NEURL1: variants seen among roughly 807,000 people sequenced by gnomAD.
NEURL1 encodes the protein E3 ubiquitin-protein ligase NEURL1.
Under a neutral mutation model 41.2 loss-of-function variants are expected in NEURL1, and 26 were observed. That is an observed-to-expected ratio of 0.63 (90% CI 0.46 to 0.87). The LOEUF is 0.87. NEURL1 is among the 40% of genes least tolerant of loss of function. NEURL1 has a pLI of 0.00. For missense variants in NEURL1, 761 were observed against 871.1 expected, an observed-to-expected ratio of 0.87 and a Z score of 1.59; for synonymous variants, 400 against 402.3, an observed-to-expected ratio of 0.99 and a Z score of 0.07.
chr10:103,540,634 CA>C (rs2034802054), intron 1 of NEURL1, among the ~76,000 whole-genome samples: 1 of 152,180 alleles, frequency 6.6e-6, no homozygotes, highest in Admixed American at 6.5e-5. Flanking sequence ...GTACCATCAC[CA>C]TCTTCAACTT....
At position 103,584,861 on chromosome 10, in the gene NEURL1, C is replaced by T. The variant is rs1292650802; in HGVS notation, c.975C>T (p.Leu325=). 5.7e-6 allele frequency: 8 copies of T among 1,413,498 alleles called. No individual in the cohort carries two copies. Among genetic ancestry groups the T allele is most frequent in the Non-Finnish European group, 7.3e-6 (8 of 1,093,208 alleles). 87.6% of individuals were successfully genotyped at this position (1,413,498 alleles called of 1,614,324 possible). A position where few individuals can be genotyped will look rare whatever the true frequency, so the allele number is the denominator to read the frequency against. Residue 325 remains leucine (L), a synonymous_variant, in exon 4 of 6, where the codon CTC becomes CTT. Transcript: ENST00000369780. ...RVEHGRDERA[L]VFTSRPVRVA... ...AGCACGGGCGCGACGAGCGCGCGCTCGTCTTCACCAGCCGGCCCGTGCGCG... is the reference window on the plus strand; with the variant it reads ...AGCACGGGCGCGACGAGCGCGCGCTTGTCTTCACCAGCCGGCCCGTGCGCG...
At chr10:103,583,837 T>C (rs1451905379) in intron 3 of NEURL1, among the ~76,000 whole-genome samples, 1 of 139,866 alleles carries the variant, frequency 7.1e-6, no homozygotes, top group East Asian at 2.1e-4. Flanking sequence ...TTATAGGCGA[T>C]TGTTTTTTCT....
chr10:103,507,516 G>C (rs2033974853), intron 1 of NEURL1, among the ~76,000 whole-genome samples: 1 of 152,150 alleles, frequency 6.6e-6, no homozygotes, highest in Non-Finnish European at 1.5e-5. Flanking sequence ...GTGGGTCCAG[G>C]AGAGGGAGCT....
At chr10:103,520,959 A>T (rs2034335766) in intron 1 of NEURL1, among the ~76,000 whole-genome samples, 1 of 152,204 alleles carries the variant, frequency 6.6e-6, no homozygotes, top group Non-Finnish European at 1.5e-5. Flanking sequence ...GAAGGAAAAA[A>T]ACAGGTATTA....
At chr10:103,509,851 A>G (rs534474205) in intron 1 of NEURL1, among the ~76,000 whole-genome samples, 1 of 152,280 alleles carries the variant, frequency 6.6e-6, no homozygotes, top group South Asian at 2.1e-4. Context: ...ATTTGGGAGT[A>G]TGGGTTCCAG....
intron 1 of NEURL1, among the ~76,000 whole-genome samples, chr10:103,553,416 C>T (rs1361308176): frequency 6.6e-6 from 1 of 152,234 alleles, no homozygotes; most frequent in East Asian, 1.9e-4. Context: ...CGTGTGTGTA[C>T]GTGTGACTGC....
At chr10:103,513,222 C>T (rs1259997638) in intron 1 of NEURL1, among the ~76,000 whole-genome samples, 2 of 152,240 alleles carry the variant, frequency 1.3e-5, no homozygotes, top group African/African-American at 4.8e-5. Flanking sequence ...TCCCTTGCCC[C>T]AGTGCTCCAG....
chr10:103,500,287 C>G (rs966213829), intron 1 of NEURL1, among the ~76,000 whole-genome samples: 1 of 152,168 alleles, frequency 6.6e-6, no homozygotes, highest in Admixed American at 6.5e-5. Flanking sequence ...TGGATTATTT[C>G]CATTAATACC....
chr10:103,494,592 C>A, intron 1 of NEURL1, 120 bp downstream of exon 1: 1 of 890,650 alleles, frequency 1.1e-6, no homozygotes, highest in Non-Finnish European at 1.6e-6. Flanking sequence ...CGGAGATGCA[C>A]CTCTGGCCGT....
rs1398349656 is a variant in NEURL1 at position 103,494,945 on chromosome 10, A to T, written c.85+473A>T. Reference sequence around the variant, plus strand: ...GACAGGATTACAGCAGCCTGGAAGAAAGGGTCAGAGCTGCTGGTTCCTGGG... The same window carrying T: ...GACAGGATTACAGCAGCCTGGAAGATAGGGTCAGAGCTGCTGGTTCCTGGG... On this transcript the variant is annotated intron_variant, in intron 1 of 5. Transcript: ENST00000369780. 2.6e-5 allele frequency among the ~76,000 whole-genome samples: 4 copies of T among 152,156 alleles called. No homozygotes were observed. The East Asian group carries it at 7.7e-4, about 29-fold the overall frequency.
At position 103,584,813 on chromosome 10, in the gene NEURL1, C is replaced by T. The variant is rs1265381501; in HGVS notation, c.927C>T (p.Asp309=). The change falls in exon 4 of 6, where the codon GAC becomes GAT. Residue 309 remains aspartate, a synonymous_variant. Transcript: ENST00000369780. ...CCGGCGCGCACGTCCGCATCCTCGA[C>T]GAGCAGACGGTGGCGCGCGTGGAGC... ...LRAGAHVRIL[D]EQTVARVEHG... 31 of 1,425,870 alleles carry T rather than the reference C, an allele frequency of 2.2e-5. No homozygotes were observed. In the East Asian group the frequency reaches 9.5e-4, roughly 44 times the overall value. The allele number at this position is 1,425,870 out of a possible 1,614,324, so 88.3% of individuals were successfully genotyped here.
At chr10:103,498,030 G>A (rs564465308) in intron 1 of NEURL1, among the ~76,000 whole-genome samples, 89 of 152,234 alleles carry the variant, frequency 5.8e-4, no homozygotes, top group African/African-American at 2.1e-3. Context: ...GCTTGGAGGG[G>A]CTTGAGCGTA....
At chr10:103,515,676 G>A (rs2034188136) in intron 1 of NEURL1, among the ~76,000 whole-genome samples, 2 of 152,230 alleles carry the variant, frequency 1.3e-5, no homozygotes, top group East Asian at 3.8e-4. Flanking sequence ...ATTTAGCTCA[G>A]CCATGAAAGT....
chr10:103,533,969 C>G (rs2034638643), intron 1 of NEURL1, among the ~76,000 whole-genome samples: 1 of 152,146 alleles, frequency 6.6e-6, no homozygotes, highest in Non-Finnish European at 1.5e-5. Context: ...CCGCGCCTAG[C>G]TCAAATGACC....
intron 1 of NEURL1, among the ~76,000 whole-genome samples, chr10:103,530,730 G>A (rs1261122622): frequency 2.6e-5 from 4 of 151,806 alleles, no homozygotes; most frequent in South Asian, 2.1e-4. Context: ...TAGTAGAGAC[G>A]GGGTTTCACT....
At chr10:103,589,704 T>C (rs749491153) in intron 5 of NEURL1, 44 bp downstream of exon 5, 3 of 1,574,210 alleles carry the variant, frequency 1.9e-6, no homozygotes, top group Admixed American at 1.8e-5. Flanking sequence ...CATGTGGGAC[T>C]GCAGCAAGGA....
At chr10:103,588,633 A>T in intron 4 of NEURL1, 1 of 367,998 alleles carries the variant, frequency 2.7e-6, no homozygotes, top group Non-Finnish European at 5.4e-6. Flanking sequence ...GGAGGGAAAG[A>T]GGGAGGCGAG....
In NEURL1 at chr10:103,558,368, G is replaced by A. The variant is rs2035204997; in HGVS notation, c.86-12504G>A. ...CTCTGAGCTTCTGATGTCAACAGAT[G>A]TGTATCTGTGTTTTAGATCTCTGTG... On this transcript the variant is annotated intron_variant, in intron 1 of 5. Coordinates refer to ENST00000369780, the MANE Select transcript of NEURL1 (RefSeq NM_004210.5). This position sits in a 1 kb window ranked among gnomAD's most constrained non-coding sequence, Gnocchi z 4.2. 7.6e-6 allele frequency: 3 copies of A among 394,104 alleles called. No individual in the cohort carries two copies. Among genetic ancestry groups the A allele is most frequent in the Non-Finnish European group, 1.0e-5 (3 of 289,436 alleles). The allele number at this position is 394,104 out of a possible 1,614,324, so 24.4% of individuals were successfully genotyped here.
chr10:103,560,072 CACACAT>C (rs1300512081), intron 1 of NEURL1, among the ~76,000 whole-genome samples: 2 of 152,116 alleles, frequency 1.3e-5, no homozygotes, highest in Non-Finnish European at 2.9e-5. Flanking sequence ...CGCATGCACA[CACACAT>C]ACACACTCAC....
Sources: gnomAD v4.1 joint callset for allele counts (sites outside exome capture counted in the v4.1 genomes callset) on GRCh38, gnomAD v4.1.1 for gene constraint, Gnocchi (gnomAD v3.1) non-coding constraint, MANE v1.5 for transcripts, NCBI Gene and HGNC (gene_info 2026-07-23, HGNC 2026-07-21) for gene names.